Variants in PRKG1 observed in about 807,000 individuals in gnomAD.
The protein encoded by PRKG1 is cGMP-dependent protein kinase 1.
In PRKG1, 35 loss-of-function variants were observed where a neutral mutation model predicts 88.1. That is an observed-to-expected ratio of 0.40 (90% CI 0.30 to 0.53). PRKG1 has a LOEUF of 0.53. PRKG1 is among the 20% of genes least tolerant of loss of function. PRKG1 has a pLI of 0.59. For missense variants in PRKG1, 540 were observed against 839.8 expected, an observed-to-expected ratio of 0.64 and a Z score of 4.41; for synonymous variants, 303 against 292.5, an observed-to-expected ratio of 1.04 and a Z score of -0.37.
At chr10:51,501,122 G>A (rs897128609) in intron 3 of PRKG1, among the ~76,000 whole-genome samples, 3 of 152,004 alleles carry the variant, frequency 2.0e-5, no homozygotes, top group South Asian at 2.1e-4. Flanking sequence ...TCTGAATCAC[G>A]CAGTATCCTT....
chr10:52,004,548 G>A (rs1015414419), intron 5 of PRKG1, among the ~76,000 whole-genome samples: 2 of 152,094 alleles, frequency 1.3e-5, no homozygotes, highest in Admixed American at 1.3e-4. Context: ...AGCATCTAAC[G>A]AATATGATTC....
At chr10:52,126,853 C>T (rs1847942758) in intron 7 of PRKG1, among the ~76,000 whole-genome samples, 1 of 152,064 alleles carries the variant, frequency 6.6e-6, no homozygotes, top group Non-Finnish European at 1.5e-5. Context: ...CAGTATAGTG[C>T]CTGGAAAGGT....
intron 5 of PRKG1, among the ~76,000 whole-genome samples, chr10:51,998,626 AG>A (rs1164331254): frequency 6.6e-6 from 1 of 152,192 alleles, no homozygotes; most frequent in Admixed American, 6.5e-5. Flanking sequence ...AAGAACCTGA[AG>A]CATATATACC....
intron 9 of PRKG1, among the ~76,000 whole-genome samples, chr10:52,226,130 G>C (rs527469017): frequency 1.3e-5 from 2 of 150,566 alleles, no homozygotes; most frequent in African/African-American, 4.9e-5. Context: ...TTTGCTAAAA[G>C]TACTTCATGA....
rs558983871 is a variant in PRKG1 at position 52,001,543 on chromosome 10, T to C, written c.763-52941T>C. 1.4e-4 allele frequency among the ~76,000 whole-genome samples: 21 copies of C among 152,110 alleles called. No homozygotes were observed. In the South Asian group the frequency reaches 3.9e-3, roughly 29 times the overall value. On this transcript the variant is annotated intron_variant, in intron 5 of 17. Coordinates refer to ENST00000373980, the MANE Select transcript of PRKG1 (RefSeq NM_006258.4). ...AAAATTTTTGCCTCTTTTTTAGGAA[T>C]TTATAGATGAGGGATTTTTTTTCCT...
chr10:51,930,785 C>T (rs900079139), intron 5 of PRKG1, among the ~76,000 whole-genome samples: 62 of 152,206 alleles, frequency 4.1e-4, no homozygotes, highest in African/African-American at 1.5e-3. Context: ...GCCACTGCGC[C>T]TGGCCAAAAT....
intron 8 of PRKG1, among the ~76,000 whole-genome samples, chr10:52,139,052 C>T (rs1589641358): frequency 6.6e-6 from 1 of 152,020 alleles, no homozygotes; most frequent in East Asian, 1.9e-4. Flanking sequence ...GACACCCAGA[C>T]TGGAGCCTAA....
At position 51,034,668 on chromosome 10, in the gene PRKG1, T is replaced by TTATATATATA. The variant is rs1554831108; in HGVS notation, c.266+43054_266+43063dup. Among the ~76,000 whole-genome samples, 159 of 68,118 alleles carry TTATATATATA rather than the reference T, an allele frequency of 2.3e-3. 1 individual carries two copies. Among genetic ancestry groups the TTATATATATA allele is most frequent in the Non-Finnish European group, 2.6e-3 (94 of 36,438 alleles). The allele number at this position is 68,118 out of a possible 152,430, so 44.7% of individuals were successfully genotyped here. ...AGCAAAATTATATATAATATGTTATTTATATATATATATATATATATATAT... is the reference window on the plus strand; with the variant it reads ...AGCAAAATTATATATAATATGTTATTTATATATATATATATATATATATATATATATATAT... On this transcript the variant is annotated intron_variant, in intron 1 of 17. Coordinates refer to the PRKG1 transcript ENST00000401604.
chr10:51,226,487 T>C (rs931513515), intron 2 of PRKG1, among the ~76,000 whole-genome samples: 3 of 152,234 alleles, frequency 2.0e-5, no homozygotes, highest in Middle Eastern at 3.4e-3. Flanking sequence ...GTAAGCTGAG[T>C]GATAATTTTG....
At chr10:51,950,441 A>G (rs947561602) in intron 5 of PRKG1, among the ~76,000 whole-genome samples, 7 of 152,246 alleles carry the variant, frequency 4.6e-5, no homozygotes, top group African/African-American at 9.6e-5. Context: ...GTAGTGACAC[A>G]GGAATTTTCT....
chr10:51,209,902 C>T (rs1390609386), intron 2 of PRKG1, among the ~76,000 whole-genome samples: 2 of 152,114 alleles, frequency 1.3e-5, no homozygotes, highest in Non-Finnish European at 2.9e-5. Context: ...ATACCTATTA[C>T]TTTTCCTGGA....
At chr10:52,041,801 A>G (rs1333229865) in intron 5 of PRKG1, among the ~76,000 whole-genome samples, 1 of 151,932 alleles carries the variant, frequency 6.6e-6, no homozygotes, top group Non-Finnish European at 1.5e-5. Context: ...AAATATGTAA[A>G]ACCCTAAGAG....
At chr10:52,067,301 C>T (rs995028669) in intron 7 of PRKG1, among the ~76,000 whole-genome samples, 3 of 152,132 alleles carry the variant, frequency 2.0e-5, no homozygotes, top group East Asian at 1.9e-4. Context: ...TGTGTGTACT[C>T]GGAATTTTGG....
rs71508088 is a variant in PRKG1, at chr10:51,590,777, T to C, written c.592+122941T>C. On this transcript the variant is annotated intron_variant, in intron 3 of 17. Coordinates refer to ENST00000373980, the MANE Select transcript of PRKG1 (RefSeq NM_006258.4). ...TTTGTGAGCTCTCTAGGCTTTGCGC[T>C]TCTCTTCTGTTCTTCTGTAACCTAC... Among the ~76,000 whole-genome samples, 1,332 of 152,224 alleles carry C rather than the reference T, an allele frequency of 8.8e-3. 17 individuals are homozygous for C. The highest frequency in any genetic ancestry group is 0.012 in the South Asian group (56 of 4,830).
intron 3 of PRKG1, among the ~76,000 whole-genome samples, chr10:51,679,894 C>T (rs1158220000): frequency 2.5e-5 from 3 of 120,506 alleles, no homozygotes; most frequent in Non-Finnish European, 4.9e-5. Flanking sequence ...CCACCACAGT[C>T]CCCAGAGTGT....
At chr10:51,050,831 A>T (rs1843551701) in intron 1 of PRKG1, among the ~76,000 whole-genome samples, 1 of 152,018 alleles carries the variant, frequency 6.6e-6, no homozygotes, top group Non-Finnish European at 1.5e-5. Flanking sequence ...CTATTTTTTA[A>T]TATAATAGTC....
In PRKG1 at chr10:51,947,568, G is replaced by A. The variant is rs1843078777; in HGVS notation, c.762+39998G>A. On this transcript the variant is annotated intron_variant, in intron 5 of 17. Coordinates refer to ENST00000373980, the MANE Select transcript of PRKG1 (RefSeq NM_006258.4). ...CCGTCTTCTGCGTTGCTCAGCCTGG[G>A]AGCTGTAGACGGGAGCTGTTCCTAT... 2.0e-5 allele frequency among the ~76,000 whole-genome samples: 3 copies of A among 152,168 alleles called. No individual in the cohort carries two copies. In the South Asian group the frequency reaches 6.2e-4, roughly 32 times the overall value.
intron 7 of PRKG1, among the ~76,000 whole-genome samples, chr10:52,092,912 T>C (rs1430487705): frequency 6.6e-6 from 1 of 152,178 alleles, no homozygotes; most frequent in Non-Finnish European, 1.5e-5. Flanking sequence ...TATTTTCTTG[T>C]TAATTGTAGG....
At chr10:51,479,901 T>TCAG (rs1246975207) in intron 3 of PRKG1, among the ~76,000 whole-genome samples, 2 of 152,076 alleles carry the variant, frequency 1.3e-5, no homozygotes, top group African/African-American at 4.8e-5. Flanking sequence ...CAGTCTGGCA[T>TCAG]TCTGTTTTAG....
Sources: allele counts gnomAD v4.1 joint callset (sites outside exome capture counted in the v4.1 genomes callset), GRCh38; gene constraint gnomAD v4.1.1; transcripts MANE v1.5; gene names NCBI Gene and HGNC (gene_info 2026-07-23, HGNC 2026-07-21).